Variants in BICC1 observed in about 807,000 individuals in gnomAD.
BICC1 encodes the protein BicC family RNA binding protein 1.
BICC1 carries 43 observed loss-of-function variants against 111.0 expected under a neutral mutation model. The ratio of observed to expected loss-of-function variants is 0.39; its 90% CI spans 0.30 to 0.50. The LOEUF (loss-of-function observed/expected upper bound fraction) is 0.50, where lower values mean the gene tolerates loss of function less well. BICC1 is among the 20% of genes least tolerant of loss of function. The pLI is 0.88. For missense variants in BICC1, 1,091 were observed against 1,203.2 expected, an observed-to-expected ratio of 0.91 and a Z score of 1.38; for synonymous variants, 467 against 434.4, an observed-to-expected ratio of 1.07 and a Z score of -0.93.
At chr10:58,698,290 T>A (rs1344981161) in intron 2 of BICC1, among the ~76,000 whole-genome samples, 1 of 152,148 alleles carries the variant, frequency 6.6e-6, no homozygotes, top group Non-Finnish European at 1.5e-5. Context: ...GTCCTGGATG[T>A]GTGGGGTGAG....
intron 1 of BICC1, among the ~76,000 whole-genome samples, chr10:58,547,471 C>T (rs1334747589): frequency 2.0e-5 from 3 of 152,132 alleles, no homozygotes; most frequent in African/African-American, 4.8e-5. Context: ...TCATGTTTTA[C>T]TGTTGATGTG....
intron 3 of BICC1, chr10:58,715,427 A>ATT: frequency 1.6e-6 from 1 of 628,902 alleles, no homozygotes; most frequent in Non-Finnish European, 2.9e-6. Flanking sequence ...CTACCATTGG[A>ATT]TTTTTCTTCT....
chr10:58,658,043 C>G (rs1440697223), intron 2 of BICC1, among the ~76,000 whole-genome samples: 3 of 151,986 alleles, frequency 2.0e-5, no homozygotes, highest in Non-Finnish European at 2.9e-5. Flanking sequence ...GATTACCTAA[C>G]CAAGTTGGTG....
intron 2 of BICC1, among the ~76,000 whole-genome samples, chr10:58,628,000 G>A (rs1837682699): frequency 6.6e-6 from 1 of 151,958 alleles, no homozygotes; most frequent in African/African-American, 2.4e-5. Flanking sequence ...TTACTAGATA[G>A]GTACAAAAAT....
At chr10:58,639,805 C>T (rs1298928795) in intron 2 of BICC1, among the ~76,000 whole-genome samples, 1 of 150,254 alleles carries the variant, frequency 6.7e-6, no homozygotes, top group Non-Finnish European at 1.5e-5. Context: ...CTCAACCTCC[C>T]AGGCTCAAGT....
At chr10:58,651,754 G>A (rs905862424) in intron 2 of BICC1, among the ~76,000 whole-genome samples, 5 of 151,992 alleles carry the variant, frequency 3.3e-5, no homozygotes, top group African/African-American at 1.2e-4. Flanking sequence ...TTTTTAACCT[G>A]CTACATAAAA....
At chr10:58,629,149 G>A (rs1201556733) in intron 2 of BICC1, among the ~76,000 whole-genome samples, 1 of 152,200 alleles carries the variant, frequency 6.6e-6, no homozygotes, top group Admixed American at 6.5e-5. Context: ...CTAAGATGAT[G>A]GGCTGGGTGT....
chr10:58,671,997 G>A (rs933486555), intron 2 of BICC1, among the ~76,000 whole-genome samples: 6 of 152,204 alleles, frequency 3.9e-5, no homozygotes, highest in African/African-American at 9.6e-5. Context: ...CTGGAAGCTC[G>A]TTCCCTGTCA....
intron 2 of BICC1, among the ~76,000 whole-genome samples, chr10:58,667,834 C>T (rs1305936275): frequency 6.6e-6 from 1 of 152,046 alleles, no homozygotes; most frequent in Non-Finnish European, 1.5e-5. Context: ...ATGCTCCTAA[C>T]TCATAGCTAG....
chr10:58,742,831 T>C (rs1432011564), intron 3 of BICC1, among the ~76,000 whole-genome samples: 1 of 152,194 alleles, frequency 6.6e-6, no homozygotes, highest in Non-Finnish European at 1.5e-5. Context: ...TGATTGAAGC[T>C]GATATTCCTT....
intron 1 of BICC1, among the ~76,000 whole-genome samples, chr10:58,581,036 C>G (rs1844266877): frequency 6.6e-6 from 1 of 151,984 alleles, no homozygotes; most frequent in African/African-American, 2.4e-5. Context: ...CTAGATATGT[C>G]TAAGAATTTT....
chr10:58,788,010 A>G (rs1843061856), intron 5 of BICC1, among the ~76,000 whole-genome samples: 1 of 152,116 alleles, frequency 6.6e-6, no homozygotes, highest in African/African-American at 2.4e-5. Context: ...TAGCTCTGTC[A>G]TTGAATATTG....
chr10:58,617,674 C>T (rs949220915), intron 1 of BICC1, among the ~76,000 whole-genome samples: 26 of 152,124 alleles, frequency 1.7e-4, no homozygotes, highest in African/African-American at 5.5e-4. Flanking sequence ...GGTGGTGACA[C>T]CTACGGTAAT....
chr10:58,693,902 T>C (rs1839991688), intron 2 of BICC1, among the ~76,000 whole-genome samples: 2 of 152,162 alleles, frequency 1.3e-5, no homozygotes, highest in African/African-American at 4.8e-5. Flanking sequence ...TTTGTTGCCA[T>C]TGCTTTTGGT....
chr10:58,670,107 A>G (rs1324500927), intron 2 of BICC1, among the ~76,000 whole-genome samples: 2 of 152,150 alleles, frequency 1.3e-5, no homozygotes, highest in Admixed American at 6.6e-5. Context: ...AATACCAGAT[A>G]TCCACTACCT....
intron 2 of BICC1, among the ~76,000 whole-genome samples, chr10:58,668,391 T>G (rs1839082518): frequency 6.6e-6 from 1 of 151,960 alleles, no homozygotes; most frequent in South Asian, 2.1e-4. Context: ...TTCACTCAAT[T>G]TTTTTTTCCA....
intron 1 of BICC1, among the ~76,000 whole-genome samples, chr10:58,518,251 G>T (rs1564468059): frequency 2.0e-5 from 3 of 152,144 alleles, no homozygotes. Context: ...TCTTCTGGTT[G>T]TAAGTTGCTC....
At chr10:58,692,183 A>G (rs191130079) in intron 2 of BICC1, among the ~76,000 whole-genome samples, 214 of 152,294 alleles carry the variant, frequency 1.4e-3, no homozygotes, top group Middle Eastern at 0.01. Flanking sequence ...AGAAAGAGAG[A>G]GAGAGAGAGA....
chr10:58,771,718 G>T (rs988855002), intron 3 of BICC1, among the ~76,000 whole-genome samples: 1 of 152,058 alleles, frequency 6.6e-6, no homozygotes, highest in African/African-American at 2.4e-5. Context: ...GTTGTAGTGT[G>T]AATTTTATGA....
Sources: gnomAD v4.1 joint callset for allele counts (sites outside exome capture counted in the v4.1 genomes callset) on GRCh38, gnomAD v4.1.1 for gene constraint, MANE v1.5 for transcripts, NCBI Gene and HGNC (gene_info 2026-07-23, HGNC 2026-07-21) for gene names.